Variants in SPATA17 observed in about 807,000 individuals in gnomAD.
SPATA17 encodes the protein spermatogenesis-associated protein 17.
SPATA17 carries 53 observed loss-of-function variants against 62.2 expected under a neutral mutation model. The observed-to-expected ratio is 0.85, with a 90% CI of 0.68 to 1.07. SPATA17 has a LOEUF of 1.07. SPATA17 is among the 50% of genes least tolerant of loss of function. The probability of loss-of-function intolerance (pLI) is 0.00; values close to 1 mark genes in which losing one functional copy is unlikely to be tolerated. For synonymous variants in SPATA17, 146 were observed against 146.8 expected, an observed-to-expected ratio of 0.99 and a Z score of 0.04; for missense variants, 466 against 425.5, an observed-to-expected ratio of 1.10 and a Z score of -0.84.
At chr1:217,857,918 G>T (rs1228908402) in intron 9 of SPATA17, among the ~76,000 whole-genome samples, 1 of 152,124 alleles carries the variant, frequency 6.6e-6, no homozygotes, top group Non-Finnish European at 1.5e-5. Flanking sequence ...CCAAGTTTTG[G>T]TTACCATTGG....
intron 6 of SPATA17, among the ~76,000 whole-genome samples, chr1:217,758,441 T>A (rs1192625824): frequency 1.3e-5 from 2 of 152,186 alleles, no homozygotes; most frequent in Non-Finnish European, 2.9e-5. Flanking sequence ...CTTTAATCTT[T>A]ATCAACCTTA....
chr1:217,676,305 A>G (rs995285693), intron 4 of SPATA17, among the ~76,000 whole-genome samples: 2 of 152,166 alleles, frequency 1.3e-5, no homozygotes, highest in Admixed American at 6.5e-5. Flanking sequence ...GTAACAAATG[A>G]TAACAAAGAG....
At chr1:217,785,393 T>A (rs1318837077) in intron 8 of SPATA17, among the ~76,000 whole-genome samples, 1 of 152,116 alleles carries the variant, frequency 6.6e-6, no homozygotes, top group African/African-American at 2.4e-5. Context: ...TCAGGAAACT[T>A]ACAGTCATGG....
chr1:217,798,246 C>T (rs1400423981), intron 8 of SPATA17, among the ~76,000 whole-genome samples: 2 of 152,188 alleles, frequency 1.3e-5, no homozygotes, highest in East Asian at 1.9e-4. Flanking sequence ...TAAACTACTA[C>T]TTGAACGTAT....
intron 5 of SPATA17, among the ~76,000 whole-genome samples, chr1:217,716,662 A>G (rs1189440941): frequency 1.3e-5 from 2 of 152,246 alleles, no homozygotes; most frequent in African/African-American, 2.4e-5. Flanking sequence ...ACATTTCTAT[A>G]TGTAGGTATA....
chr1:217,684,917 A>G (rs1671181408), intron 5 of SPATA17, among the ~76,000 whole-genome samples: 1 of 152,160 alleles, frequency 6.6e-6, no homozygotes. Flanking sequence ...GAAATTTGTT[A>G]ATTTGATTTC....
At chr1:217,744,018 G>GT (rs71560508) in intron 6 of SPATA17, among the ~76,000 whole-genome samples, 7,940 of 151,972 alleles carry the variant, frequency 0.052, 267 homozygotes, top group African/African-American at 0.088. Flanking sequence ...TGAAGACTCA[G>GT]TTTTTTTTAC....
At chr1:217,858,597 C>T (rs1675831365) in intron 9 of SPATA17, among the ~76,000 whole-genome samples, 2 of 152,070 alleles carry the variant, frequency 1.3e-5, no homozygotes, top group South Asian at 4.1e-4. Flanking sequence ...ATTATTGATT[C>T]AGTTTTTTAA....
Position 217,783,086 on chromosome 1 carries a change from T to A in SPATA17, c.872+764T>A, listed in dbSNP as rs571784345. 1.9e-4 allele frequency among the ~76,000 whole-genome samples: 28 copies of A among 150,948 alleles called. No homozygotes were observed. In the South Asian group the frequency reaches 5.6e-3, roughly 30 times the overall value. On this transcript the variant is annotated intron_variant, in intron 8 of 10. Transcript: ENST00000366933. ...ACATTATAATACTAAATATTAATGA[T>A]AATATTGGTATACTATAAATTATAC...
At chr1:217,828,519 T>A (rs1396464292) in intron 9 of SPATA17, among the ~76,000 whole-genome samples, 1 of 109,522 alleles carries the variant, frequency 9.1e-6, no homozygotes, top group Non-Finnish European at 2.1e-5. Context: ...ACATTGGAAA[T>A]GATTTTTTGA....
At chr1:217,763,551 GA>G (rs1222099900) in intron 6 of SPATA17, among the ~76,000 whole-genome samples, 1 of 152,174 alleles carries the variant, frequency 6.6e-6, no homozygotes, top group Non-Finnish European at 1.5e-5. Context: ...GAATTTATGA[GA>G]TCTTCTTAAG....
At chr1:217,725,139 G>A (rs777288446) in intron 5 of SPATA17, among the ~76,000 whole-genome samples, 1 of 152,104 alleles carries the variant, frequency 6.6e-6, no homozygotes, top group Non-Finnish European at 1.5e-5. Flanking sequence ...TACAAGGAGT[G>A]CATTTGAAAT....
At chr1:217,696,022 C>G (rs1671447617) in intron 5 of SPATA17, among the ~76,000 whole-genome samples, 2 of 151,774 alleles carry the variant, frequency 1.3e-5, no homozygotes, top group Admixed American at 6.6e-5. Context: ...GGGCTCCACC[C>G]AGTTCGAGCT....
chr1:217,712,195 C>T (rs1671888507), intron 5 of SPATA17, among the ~76,000 whole-genome samples: 4 of 145,356 alleles, frequency 2.8e-5, no homozygotes, highest in South Asian at 2.1e-4. Flanking sequence ...GGTACGATCT[C>T]GGCTCACTGC....
intron 9 of SPATA17, among the ~76,000 whole-genome samples, chr1:217,858,585 T>G (rs1309185690): frequency 6.6e-6 from 1 of 152,206 alleles, no homozygotes; most frequent in Non-Finnish European, 1.5e-5. Context: ...GGAAGCTTAT[T>G]TATTATTGAT....
chr1:217,826,727 A>T (rs1381960508), intron 9 of SPATA17, among the ~76,000 whole-genome samples: 2 of 152,146 alleles, frequency 1.3e-5, no homozygotes, highest in Non-Finnish European at 2.9e-5. Flanking sequence ...AGTCATTAAA[A>T]TCACTACATG....
chr1:217,658,323 G>A (rs557841748), intron 3 of SPATA17, among the ~76,000 whole-genome samples: 5 of 152,212 alleles, frequency 3.3e-5, no homozygotes, highest in South Asian at 2.1e-4. Context: ...CAGCTTGAAC[G>A]GCTCCCTCTC....
intron 9 of SPATA17, among the ~76,000 whole-genome samples, chr1:217,815,212 A>G (rs1298232974): frequency 6.6e-6 from 1 of 152,152 alleles, no homozygotes; most frequent in Admixed American, 6.6e-5. Flanking sequence ...GGGACCCCAA[A>G]TGACTGGAAA....
At chr1:217,863,839 G>A (rs982200147) in intron 10 of SPATA17, among the ~76,000 whole-genome samples, 1 of 152,118 alleles carries the variant, frequency 6.6e-6, no homozygotes, top group African/African-American at 2.4e-5. Flanking sequence ...ACTGCAGTTG[G>A]AGGAAAGGGG....
Sources: allele counts gnomAD v4.1 joint callset (sites outside exome capture counted in the v4.1 genomes callset), GRCh38; gene constraint gnomAD v4.1.1; transcripts MANE v1.5; gene names NCBI Gene and HGNC (gene_info 2026-07-23, HGNC 2026-07-21).